The following PRKAR1B variants were observed in gnomAD, a reference collection of about 807,000 sequenced individuals.
PRKAR1B encodes the protein cAMP-dependent protein kinase type I-beta regulatory subunit.
Under a neutral mutation model 46.5 loss-of-function variants are expected in PRKAR1B, and 22 were observed. The observed-to-expected ratio is 0.47, with a 90% CI of 0.34 to 0.68. PRKAR1B has a LOEUF of 0.68. PRKAR1B is among the 30% of genes least tolerant of loss of function. PRKAR1B has a pLI of 0.01. For missense variants in PRKAR1B, 445 were observed against 535.6 expected, an observed-to-expected ratio of 0.83 and a Z score of 1.67; for synonymous variants, 259 against 217.7, an observed-to-expected ratio of 1.19 and a Z score of -1.67.
chr7:697,608 T>C (rs2128520224), intron 2 of PRKAR1B, among the ~76,000 whole-genome samples: 2 of 151,998 alleles, frequency 1.3e-5, no homozygotes, highest in East Asian at 3.9e-4. Context: ...CAAGCGCCAG[T>C]TGTATTTGAG....
intron 2 of PRKAR1B, among the ~76,000 whole-genome samples, chr7:692,597 G>A (rs1317884224): frequency 1.3e-5 from 2 of 152,122 alleles, no homozygotes; most frequent in African/African-American, 2.4e-5. Flanking sequence ...AGGTTGGTTG[G>A]GACCGCTCCC....
In PRKAR1B at chr7:695,294, G is replaced by A. The variant is rs77094307; in HGVS notation, c.178-14568C>T. Among the ~76,000 whole-genome samples the A allele has an allele frequency of 2.0e-3, 303 of 152,278 alleles. 1 individual carries two copies. The highest frequency in any genetic ancestry group is 7.1e-3 in the African/African-American group (294 of 41,552). ...GCAGCCCAGAATGTGCCCCAGAATC[G>A]AGTAACCCAGCCCTGGGGATTGTCC... On this transcript the variant is annotated intron_variant, in intron 2 of 10. Coordinates refer to ENST00000537384, the MANE Select transcript of PRKAR1B (RefSeq NM_001164760.2).
rs555378542 is a variant in PRKAR1B, at chr7:628,959, G to A, written c.441-21507C>T. Reference sequence around the variant, plus strand: ...CCACGGCGGGCACTCGTGTTCTGACGCCAAGGTGCTTGCAACGTCCTGTGA... The same window carrying A: ...CCACGGCGGGCACTCGTGTTCTGACACCAAGGTGCTTGCAACGTCCTGTGA... On this transcript the variant is annotated intron_variant, in intron 4 of 10. Coordinates refer to ENST00000537384, the MANE Select transcript of PRKAR1B (RefSeq NM_001164760.2). Among the ~76,000 whole-genome samples, 16 of 152,296 alleles carry A rather than the reference G, an allele frequency of 1.1e-4. No individual in the cohort carries two copies. In the East Asian group the frequency reaches 2.7e-3, roughly 26 times the overall value.
At chr7:640,765 A>AACACACACACACAC (rs71546454) in intron 4 of PRKAR1B, among the ~76,000 whole-genome samples, 27 of 108,184 alleles carry the variant, frequency 2.5e-4, no homozygotes, top group South Asian at 6.8e-4. Context: ...CTCTGTCTCA[A>AACACACACACACAC]ACACACACAC....
At chr7:574,102 GC>G (rs928826854) in intron 9 of PRKAR1B, among the ~76,000 whole-genome samples, 1 of 152,232 alleles carries the variant, frequency 6.6e-6, no homozygotes, top group Non-Finnish European at 1.5e-5. Flanking sequence ...CACGATCCAC[GC>G]CCCCCACACA....
Position 653,715 on chromosome 7 carries a change from G to A in PRKAR1B, c.440+23514C>T, listed in dbSNP as rs183664905. Among the ~76,000 whole-genome samples, 401 of 152,286 alleles carry A rather than the reference G, an allele frequency of 2.6e-3. 1 individual carries two copies. The highest frequency in any genetic ancestry group is 0.019 in the South Asian group (92 of 4,824). Reference sequence around the variant, plus strand: ...GCTGGGGAGGGGTGGGAATAATGGAGAATCAACTCCAACATCCATTGCAGA... The same window carrying A: ...GCTGGGGAGGGGTGGGAATAATGGAAAATCAACTCCAACATCCATTGCAGA... On this transcript the variant is annotated intron_variant, in intron 4 of 10. Coordinates refer to ENST00000537384, the MANE Select transcript of PRKAR1B (RefSeq NM_001164760.2).
At chr7:551,364 G>C (rs936807665) in intron 10 of PRKAR1B, 25 bp downstream of exon 10, 1 of 1,548,450 alleles carries the variant, frequency 6.5e-7, no homozygotes, top group African/African-American at 1.4e-5. Flanking sequence ...AGCCGTGCGA[G>C]GGAGGGGACG....
chr7:713,845 CG>C (rs1780778754), intron 1 of PRKAR1B, among the ~76,000 whole-genome samples: 1 of 152,254 alleles, frequency 6.6e-6, no homozygotes, highest in Non-Finnish European at 1.5e-5. Flanking sequence ...AGGCCACCCT[CG>C]GGGGTCAAAC....
chr7:598,054 C>T (rs1333941221), intron 6 of PRKAR1B, among the ~76,000 whole-genome samples: 5 of 152,188 alleles, frequency 3.3e-5, no homozygotes, highest in Admixed American at 2.6e-4. Context: ...CACAGCACGT[C>T]GTGCTGCCAG....
At chr7:600,518 A>G (rs1781529145) in intron 6 of PRKAR1B, among the ~76,000 whole-genome samples, 1 of 152,222 alleles carries the variant, frequency 6.6e-6, no homozygotes, top group Non-Finnish European at 1.5e-5. Context: ...GAATTTTAAA[A>G]ACACACAGAA....
At chr7:671,256 C>T (rs1249429524) in intron 4 of PRKAR1B, among the ~76,000 whole-genome samples, 1 of 152,156 alleles carries the variant, frequency 6.6e-6, no homozygotes, top group Non-Finnish European at 1.5e-5. Flanking sequence ...CAGAGCCGGG[C>T]TTTTGATAAG....
intron 1 of PRKAR1B, chr7:712,965 C>G (rs1305882144): frequency 6.6e-6 from 1 of 152,482 alleles, no homozygotes; most frequent in Non-Finnish European, 1.5e-5. Flanking sequence ...GGCCCAGCCC[C>G]GCTTCCCCAG....
chr7:693,545 G>C (rs114294389), intron 2 of PRKAR1B, among the ~76,000 whole-genome samples: 5,059 of 152,172 alleles, frequency 0.033, 310 homozygotes, highest in African/African-American at 0.11. Flanking sequence ...GGCATTACGT[G>C]TCCCAGGTTC....
At chr7:701,908 A>G (rs1780085037) in intron 2 of PRKAR1B, among the ~76,000 whole-genome samples, 1 of 152,250 alleles carries the variant, frequency 6.6e-6, no homozygotes, top group East Asian at 1.9e-4. Flanking sequence ...ACAGAGGGAA[A>G]GAAAAACACT....
intron 4 of PRKAR1B, among the ~76,000 whole-genome samples, chr7:656,317 A>AATGGGTGAATGAATGGATGATGC (rs1785183929): frequency 6.6e-6 from 1 of 152,080 alleles, no homozygotes; most frequent in Non-Finnish European, 1.5e-5. Flanking sequence ...TGAATGAATG[A>AATGGGTGAATGAATGGATGATGC]ATGGGTGAAT....
intron 2 of PRKAR1B, chr7:691,580 T>A: frequency 7.7e-7 from 1 of 1,304,376 alleles, no homozygotes; most frequent in South Asian, 1.2e-5. Flanking sequence ...CTACACGCAG[T>A]CCTTTCGGAC....
chr7:624,886 T>A (rs1323250493), intron 4 of PRKAR1B, among the ~76,000 whole-genome samples: 1 of 152,230 alleles, frequency 6.6e-6, no homozygotes, highest in African/African-American at 2.4e-5. Context: ...GAACATAGAT[T>A]AACTGAATGG....
intron 1 of PRKAR1B, chr7:726,944 G>A (rs1415478474): frequency 3.0e-6 from 4 of 1,334,346 alleles, no homozygotes; most frequent in South Asian, 3.4e-5. Context: ...CCCTGGGCGC[G>A]CCTACTGCTG....
At chr7:595,977 T>C (rs1267861505) in intron 7 of PRKAR1B, among the ~76,000 whole-genome samples, 169 bp downstream of exon 7, 1 of 152,180 alleles carries the variant, frequency 6.6e-6, no homozygotes, top group Non-Finnish European at 1.5e-5. Context: ...TCTAAGAAGC[T>C]TCCAGAATCC....
Sources: allele counts gnomAD v4.1 joint callset (sites outside exome capture counted in the v4.1 genomes callset), GRCh38; gene constraint gnomAD v4.1.1; transcripts MANE v1.5; gene names NCBI Gene and HGNC (gene_info 2026-07-23, HGNC 2026-07-21).